ANO3: variants seen among roughly 807,000 people sequenced by gnomAD.
ANO3 encodes the protein anoctamin 3.
ANO3 carries 99 observed loss-of-function variants against 144.8 expected under a neutral mutation model. The ratio of observed to expected loss-of-function variants is 0.68; its 90% CI spans 0.58 to 0.81. The LOEUF is 0.81. Among genes scored for constraint, ANO3 ranks in the 30% least tolerant of loss-of-function variants. The pLI, the probability that ANO3 is intolerant of heterozygous loss-of-function variation, is 0.00. For missense variants in ANO3, 905 were observed against 1,202.2 expected, an observed-to-expected ratio of 0.75 and a Z score of 3.66; for synonymous variants, 414 against 392.6, an observed-to-expected ratio of 1.05 and a Z score of -0.64.
At chr11:26,649,933 T>G (rs528540383) in intron 24 of ANO3, among the ~76,000 whole-genome samples, 34 of 152,322 alleles carry the variant, frequency 2.2e-4, no homozygotes, top group South Asian at 1.2e-3. Flanking sequence ...TAGGGAGCCC[T>G]CTTCCATAGC....
At chr11:26,547,571 T>G in intron 12 of ANO3, 21 bp downstream of exon 12, 1 of 1,607,338 alleles carries the variant, frequency 6.2e-7, no homozygotes, top group East Asian at 2.2e-5. Flanking sequence ...AAGAGACCTA[T>G]TAAAAATATT....
intron 1 of ANO3, among the ~76,000 whole-genome samples, chr11:26,365,975 T>TTTTTTTTTTTA (rs1856063352): frequency 2.3e-5 from 2 of 87,554 alleles, no homozygotes; most frequent in African/African-American, 7.8e-5. Context: ...TATATATATA[T>TTTTTTTTTTTA]ATATATATAT....
At chr11:26,398,096 A>C (rs1309322760) in intron 1 of ANO3, among the ~76,000 whole-genome samples, 1 of 152,104 alleles carries the variant, frequency 6.6e-6, no homozygotes, top group Non-Finnish European at 1.5e-5. Context: ...TGCAAAGATC[A>C]CTATATATTT....
intron 1 of ANO3, among the ~76,000 whole-genome samples, chr11:26,220,960 G>A (rs1052971969): frequency 6.6e-6 from 1 of 152,154 alleles, no homozygotes; most frequent in Admixed American, 6.5e-5. Context: ...ATACAGCACT[G>A]CTTCTTCTGT....
intron 4 of ANO3, among the ~76,000 whole-genome samples, chr11:26,472,016 A>C (rs1330544826): frequency 6.6e-6 from 1 of 152,008 alleles, no homozygotes; most frequent in African/African-American, 2.4e-5. Flanking sequence ...CTGCAAAAAA[A>C]GTATACATAG....
chr11:26,394,238 TACTC>T (rs66498406), intron 1 of ANO3, among the ~76,000 whole-genome samples: 17,444 of 152,146 alleles, frequency 0.11, 1,200 homozygotes, highest in Admixed American at 0.19. Flanking sequence ...TTGCTAGACA[TACTC>T]ACAGGAGATG....
chr11:26,621,288 CTG>C (rs1285212643), intron 17 of ANO3, among the ~76,000 whole-genome samples: 1 of 152,124 alleles, frequency 6.6e-6, no homozygotes, highest in Non-Finnish European at 1.5e-5. Context: ...AAGTGTTTCC[CTG>C]TGAGATCTCA....
At chr11:26,476,156 C>A (rs1452446285) in intron 4 of ANO3, among the ~76,000 whole-genome samples, 1 of 152,088 alleles carries the variant, frequency 6.6e-6, no homozygotes, top group African/African-American at 2.4e-5. Context: ...AGACTCTATA[C>A]TAATCTGGGT....
intron 1 of ANO3, among the ~76,000 whole-genome samples, chr11:26,352,544 A>C (rs1277826263): frequency 1.3e-5 from 2 of 152,016 alleles, no homozygotes; most frequent in Non-Finnish European, 2.9e-5. Flanking sequence ...CAGATGGGGG[A>C]ATTAGATGCT....
intron 1 of ANO3, among the ~76,000 whole-genome samples, chr11:26,412,872 T>C (rs1173462806): frequency 6.6e-6 from 1 of 150,806 alleles, no homozygotes; most frequent in Non-Finnish European, 1.5e-5. Flanking sequence ...AACTCAGAAC[T>C]GTATTTCTCA....
At chr11:26,359,539 G>T (rs1161339106) in intron 1 of ANO3, among the ~76,000 whole-genome samples, 1 of 151,914 alleles carries the variant, frequency 6.6e-6, no homozygotes, top group African/African-American at 2.4e-5. Flanking sequence ...GGACCTTGCA[G>T]ATCTCTAGAG....
chr11:26,451,381 C>T (rs148164608), intron 3 of ANO3, among the ~76,000 whole-genome samples: 18 of 152,290 alleles, frequency 1.2e-4, no homozygotes, highest in Admixed American at 3.3e-4. Context: ...CACTCCCACC[C>T]GAATACTGCG....
chr11:26,281,441 T>A (rs1187946584), intron 1 of ANO3, among the ~76,000 whole-genome samples: 1 of 152,190 alleles, frequency 6.6e-6, no homozygotes, highest in Non-Finnish European at 1.5e-5. Context: ...TACTCCTAAA[T>A]TTTTATTAGC....
At chr11:26,270,485 G>A (rs928280461) in intron 1 of ANO3, among the ~76,000 whole-genome samples, 4 of 151,978 alleles carry the variant, frequency 2.6e-5, no homozygotes, top group Non-Finnish European at 5.9e-5. Flanking sequence ...TTTATTCTAC[G>A]ATCAAAATCT....
Position 26,635,067 on chromosome 11 carries a change from G to A in ANO3, c.2040G>A (p.Glu680=). ...YNKLFDRWRL[E]ECHPSGCLID... ...AACTTTTTGACCGGTGGAGACTGGA[G>A]GAAGTAAGTAACTTTGGGAGTGTGG... The change falls in exon 20 of 27, where the codon GAG becomes GAA. Residue 680 remains glutamate (E), a synonymous_variant. Transcript: ENST00000256737. 1.2e-6 allele frequency: 2 copies of A among 1,613,420 alleles called. No individual in the cohort carries two copies. The highest frequency in any genetic ancestry group is 1.3e-5 in the African/African-American group (1 of 75,030).
intron 1 of ANO3, among the ~76,000 whole-genome samples, chr11:26,276,654 T>TACA (rs1043702507): frequency 1.3e-4 from 20 of 152,162 alleles, no homozygotes; most frequent in African/African-American, 4.6e-4. Flanking sequence ...CTGTTAGGAA[T>TACA]ACACTAGGTT....
intron 14 of ANO3, among the ~76,000 whole-genome samples, chr11:26,570,596 T>C (rs957344677): frequency 2.1e-4 from 32 of 152,100 alleles, no homozygotes; most frequent in African/African-American, 7.7e-4. Context: ...AGGCATAATA[T>C]AAAAACATGT....
intron 1 of ANO3, among the ~76,000 whole-genome samples, chr11:26,441,516 A>G (rs1469868687): frequency 6.6e-6 from 1 of 152,168 alleles, no homozygotes; most frequent in Non-Finnish European, 1.5e-5. Context: ...GGGCGTAGAA[A>G]GAAGGGCCCC....
intron 1 of ANO3, among the ~76,000 whole-genome samples, chr11:26,371,602 A>T (rs991408296): frequency 9.9e-5 from 15 of 152,174 alleles, no homozygotes; most frequent in African/African-American, 3.1e-4. Flanking sequence ...GGCAGCCAGG[A>T]GGGGGATTAT....
Sources: allele counts gnomAD v4.1 joint callset (sites outside exome capture counted in the v4.1 genomes callset), GRCh38; gene constraint gnomAD v4.1.1; transcripts MANE v1.5; gene names NCBI Gene and HGNC (gene_info 2026-07-23, HGNC 2026-07-21).